Variants in RTN1 observed in about 807,000 individuals in gnomAD.
RTN1 encodes the protein reticulon 1.
A neutral mutation model predicts 65.5 loss-of-function variants in RTN1; 25 were observed. The observed-to-expected ratio is 0.38, with a 90% CI of 0.28 to 0.53. The LOEUF is 0.53. Among genes scored for constraint, RTN1 ranks in the 20% least tolerant of loss-of-function variants. The pLI is 0.79. For missense variants in RTN1, 983 were observed against 1,025.4 expected (o/e 0.96, Z 0.57); for synonymous variants, 471 against 447.6 (o/e 1.05, Z -0.66).
Position 59,727,068 on chromosome 14 carries a change from C to T in RTN1, c.1616G>A (p.Gly539Glu). Residue 539 changes from glycine to glutamate, a missense_variant, in exon 3 of 9, where the codon GGA becomes GAA. By Grantham distance (98) the Gly-to-Glu change is moderately conservative (BLOSUM62 -2). Coordinates refer to ENST00000267484, the MANE Select transcript of RTN1 (RefSeq NM_021136.3). The surrounding 1 kb of genome is among the most constrained non-coding windows in gnomAD (Gnocchi z 4.2). ...EPQPGPELPP[G>E]DGALEPETPM... ...CGTCTCAGGCTCCAGGGCTCCGTCTCCAGGGGGCAGCTCGGGGCCAGGCTG... is the reference window on the plus strand; with the variant it reads ...CGTCTCAGGCTCCAGGGCTCCGTCTTCAGGGGGCAGCTCGGGGCCAGGCTG... 1 of 1,612,880 alleles carries T rather than the reference C, an allele frequency of 6.2e-7. No homozygotes were observed. The highest frequency in any genetic ancestry group is 8.5e-7 in the Non-Finnish European group (1 of 1,179,478).
At chr14:59,604,499 C>A (rs1277307959) in intron 5 of RTN1, 1 of 152,472 alleles carries the variant, frequency 6.6e-6, no homozygotes, top group Admixed American at 6.5e-5. Context: ...ACAAATACAA[C>A]CATGGCCTTA....
intron 3 of RTN1, among the ~76,000 whole-genome samples, chr14:59,672,671 T>C (rs1224471685): frequency 7.2e-6 from 1 of 139,136 alleles, no homozygotes; most frequent in Non-Finnish European, 1.5e-5. Flanking sequence ...TCTCGCTCTG[T>C]CGCCCAGGCC....
At chr14:59,735,585 C>T (rs1056338483) in intron 2 of RTN1, among the ~76,000 whole-genome samples, 2 of 152,104 alleles carry the variant, frequency 1.3e-5, no homozygotes, top group African/African-American at 4.8e-5. Flanking sequence ...AGAGGTTGCA[C>T]TCCTGGTTTC....
chr14:59,842,185 C>CAATAAGGAG, intron 1 of RTN1, among the ~76,000 whole-genome samples: 1 of 150,422 alleles, frequency 6.6e-6, no homozygotes, highest in Non-Finnish European at 1.5e-5. Context: ...GTACATGTCA[C>CAATAAGGAG]AATAAGGAGT....
intron 1 of RTN1, among the ~76,000 whole-genome samples, chr14:59,854,639 C>CAAAAAAAAAAAAAA (rs552017689): frequency 2.8e-5 from 2 of 71,788 alleles, no homozygotes; most frequent in Admixed American, 1.8e-4. Flanking sequence ...GACTGCGTCT[C>CAAAAAAAAAAAAAA]AAAAAAAAAA....
intron 3 of RTN1, among the ~76,000 whole-genome samples, chr14:59,685,155 T>C (rs1594677373): frequency 6.6e-6 from 1 of 152,028 alleles, no homozygotes; most frequent in South Asian, 2.1e-4. Context: ...TCTCAACAAT[T>C]AGGAATGTAC....
chr14:59,696,041 C>T (rs1000752422), intron 3 of RTN1, among the ~76,000 whole-genome samples: 5 of 151,914 alleles, frequency 3.3e-5, no homozygotes, highest in African/African-American at 9.7e-5. Context: ...TCATTTTATT[C>T]GTGACTTCCC....
In RTN1 at chr14:59,760,818, A is replaced by G. The variant is rs111667572; in HGVS notation, c.242-14337T>C. On this transcript the variant is annotated intron_variant, in intron 1 of 8. Transcript: ENST00000267484. ...TGTTTGGTAAGTACTTATGGAACAC[A>G]TCAATGAATATGTTTCCAGACTCAT... Among the ~76,000 whole-genome samples, 4 of 152,358 alleles carry G rather than the reference A, an allele frequency of 2.6e-5. 1 individual carries two copies. The highest frequency in any genetic ancestry group is 9.6e-5 in the African/African-American group (4 of 41,580).
chr14:59,613,587 C>T (rs917961236), intron 3 of RTN1, among the ~76,000 whole-genome samples: 2 of 152,222 alleles, frequency 1.3e-5, no homozygotes, highest in Admixed American at 6.5e-5. Flanking sequence ...TGTGAGCCAC[C>T]GCGCCCGGCC....
At chr14:59,662,384 C>T (rs1883270030) in intron 3 of RTN1, among the ~76,000 whole-genome samples, 2 of 139,266 alleles carry the variant, frequency 1.4e-5, no homozygotes, top group African/African-American at 5.3e-5. Context: ...TTGTTCAATT[C>T]CCACCTATGA....
At chr14:59,716,526 G>C (rs1218844112) in intron 3 of RTN1, among the ~76,000 whole-genome samples, 1 of 152,178 alleles carries the variant, frequency 6.6e-6, no homozygotes, top group Non-Finnish European at 1.5e-5. Context: ...CTTTGTGCTT[G>C]TTTCAAGGAA....
At chr14:59,597,656 G>C (rs1202547795) in intron 8 of RTN1, among the ~76,000 whole-genome samples, 3 of 152,216 alleles carry the variant, frequency 2.0e-5, no homozygotes, top group Non-Finnish European at 4.4e-5. Flanking sequence ...GAGAAGTTTA[G>C]ATGGTGATAA....
At chr14:59,780,957 T>A (rs1886144480) in intron 1 of RTN1, among the ~76,000 whole-genome samples, 1 of 152,224 alleles carries the variant, frequency 6.6e-6, no homozygotes, top group African/African-American at 2.4e-5. Flanking sequence ...TACAGTACTA[T>A]CACTGGATGC....
chr14:59,775,517 C>A (rs745958973), intron 1 of RTN1, among the ~76,000 whole-genome samples: 9 of 152,104 alleles, frequency 5.9e-5, no homozygotes, highest in Non-Finnish European at 1.3e-4. Flanking sequence ...AAACTGCGTA[C>A]CCTGTGTCAT....
chr14:59,848,417 T>C (rs943761270), intron 1 of RTN1, among the ~76,000 whole-genome samples: 1 of 152,250 alleles, frequency 6.6e-6, no homozygotes, highest in African/African-American at 2.4e-5. Flanking sequence ...TATCATCAGA[T>C]AGTTTTAATC....
At chr14:59,672,928 C>T (rs1285056300) in intron 3 of RTN1, among the ~76,000 whole-genome samples, 1 of 152,094 alleles carries the variant, frequency 6.6e-6, no homozygotes, top group Non-Finnish European at 1.5e-5. Context: ...GCGTGAGCCA[C>T]CGCGCCCGGC....
intron 1 of RTN1, among the ~76,000 whole-genome samples, chr14:59,834,199 T>C (rs1486628226): frequency 6.6e-6 from 1 of 152,102 alleles, no homozygotes; most frequent in Non-Finnish European, 1.5e-5. Flanking sequence ...TCACACATCA[T>C]ATACAAAAAT....
chr14:59,827,293 T>G (rs1566740160), intron 1 of RTN1, among the ~76,000 whole-genome samples: 1 of 152,166 alleles, frequency 6.6e-6, no homozygotes, highest in Non-Finnish European at 1.5e-5. Flanking sequence ...TTAGCCAAGA[T>G]GGTCTCAATC....
rs570558229 is a variant in RTN1, at chr14:59,808,609, AGAACTGTATATG to A, written c.241+61769_241+61780del. Among the ~76,000 whole-genome samples, 11 of 152,288 alleles carry A rather than the reference AGAACTGTATATG, an allele frequency of 7.2e-5. No individual in the cohort carries two copies. The East Asian group carries it at 2.1e-3, about 29-fold the overall frequency. On this transcript the variant is annotated intron_variant, in intron 1 of 8. Transcript: ENST00000267484. ...GGCTTACGTTTACAAGGCTGCAGTA[AGAACTGTATATG>A]GATCTGTGTCCCCACCCAAGTCTCA... is the stretch of plus-strand genomic sequence containing the variant.
Sources: gnomAD v4.1 joint callset for allele counts (sites outside exome capture counted in the v4.1 genomes callset) on GRCh38, gnomAD v4.1.1 for gene constraint, Gnocchi (gnomAD v3.1) non-coding constraint, MANE v1.5 for transcripts, NCBI Gene and HGNC (gene_info 2026-07-23, HGNC 2026-07-21) for gene names.